Variants in AIG1 observed in about 807,000 individuals in gnomAD.
AIG1 encodes androgen-induced gene 1 protein.
Under a neutral mutation model 31.4 loss-of-function variants are expected in AIG1, and 23 were observed. The observed-to-expected ratio is 0.73, with a 90% confidence interval of 0.53 to 1.04. AIG1 has a LOEUF of 1.04. AIG1 is among the 50% of genes least tolerant of loss of function. The probability of loss-of-function intolerance (pLI) is 0.00; values close to 1 mark genes in which losing one functional copy is unlikely to be tolerated. For missense variants in AIG1, 274 were observed against 295.0 expected (o/e 0.93, Z 0.52); for synonymous variants, 100 against 110.5 (o/e 0.90, Z 0.60).
In AIG1 at chr6:143,178,318, T is replaced by A. The variant is rs1040950877; in HGVS notation, c.399+13135T>A. ...GGGGTTTTTGGGCCCCAGGGCAAGATGCACACTGGTGGTGGCTCTGCTCTC... is the reference window on the plus strand; with the variant it reads ...GGGGTTTTTGGGCCCCAGGGCAAGAAGCACACTGGTGGTGGCTCTGCTCTC... On this transcript the variant is annotated intron_variant, in intron 3 of 5. Coordinates refer to ENST00000357847, the MANE Select transcript of AIG1 (RefSeq NM_016108.4). Among the ~76,000 whole-genome samples the A allele has an allele frequency of 2.0e-5, 3 of 152,178 alleles. No homozygotes were observed. In the East Asian group the frequency reaches 5.8e-4, roughly 29 times the overall value.
At chr6:143,189,767 C>T (rs1789617577) in intron 3 of AIG1, 1 of 984,704 alleles carries the variant, frequency 1.0e-6, no homozygotes, top group Non-Finnish European at 1.2e-6. Flanking sequence ...TAATATGAGT[C>T]ATTTTAAATG....
At chr6:143,307,951 G>T (rs1340406533) in intron 4 of AIG1, among the ~76,000 whole-genome samples, 3 of 152,240 alleles carry the variant, frequency 2.0e-5, no homozygotes, top group African/African-American at 7.2e-5. Context: ...CTTGCAGTTT[G>T]ATCTCAGACT....
At chr6:143,236,942 T>C (rs577447468) in intron 3 of AIG1, among the ~76,000 whole-genome samples, 5 of 152,352 alleles carry the variant, frequency 3.3e-5, no homozygotes, top group Admixed American at 3.3e-4. Context: ...GATTCCATTT[T>C]ATTCTCACAG....
intron 1 of AIG1, among the ~76,000 whole-genome samples, chr6:143,110,982 G>T (rs373137303): frequency 3.9e-5 from 6 of 152,138 alleles, no homozygotes; most frequent in Non-Finnish European, 4.4e-5. Flanking sequence ...TGCCAGAGAT[G>T]AAGTTATAAA....
At chr6:143,320,109 A>G (rs967905141) in intron 4 of AIG1, among the ~76,000 whole-genome samples, 2 of 152,218 alleles carry the variant, frequency 1.3e-5, no homozygotes, top group African/African-American at 4.8e-5. Context: ...CGGCCAGCAA[A>G]TATACAAAAG....
chr6:143,173,343 G>A (rs1043554958), intron 3 of AIG1, among the ~76,000 whole-genome samples: 20 of 152,182 alleles, frequency 1.3e-4, no homozygotes, highest in African/African-American at 3.4e-4. Flanking sequence ...GATTAAAGAC[G>A]TGAGCTGCTG....
At chr6:143,159,362 T>C (rs1186111065) in intron 2 of AIG1, among the ~76,000 whole-genome samples, 1 of 152,160 alleles carries the variant, frequency 6.6e-6, no homozygotes, top group Admixed American at 6.5e-5. Flanking sequence ...CCTCAGTCAG[T>C]AGAGATAATG....
intron 3 of AIG1, among the ~76,000 whole-genome samples, chr6:143,273,540 A>C (rs1341413489): frequency 6.6e-6 from 1 of 152,094 alleles, no homozygotes; most frequent in African/African-American, 2.4e-5. Context: ...TTTCTTTATT[A>C]GTCCATTTTC....
At chr6:143,123,533 A>C (rs1233480888) in intron 1 of AIG1, among the ~76,000 whole-genome samples, 1 of 152,132 alleles carries the variant, frequency 6.6e-6, no homozygotes, top group Non-Finnish European at 1.5e-5. Context: ...TATTTAAATG[A>C]CATTATACTT....
chr6:143,289,563 T>C (rs1797916685), intron 4 of AIG1, among the ~76,000 whole-genome samples: 1 of 152,178 alleles, frequency 6.6e-6, no homozygotes, highest in African/African-American at 2.4e-5. Context: ...GAATGAAGTA[T>C]GTTCATTCTT....
At chr6:143,341,423 C>G (rs1192781960), downstream of AIG1, among the ~76,000 whole-genome samples, 1 of 152,134 alleles carries the variant, frequency 6.6e-6, no homozygotes, top group Non-Finnish European at 1.5e-5. Context: ...CCCCTAGTGC[C>G]TTAGAATATG....
rs1446869193 is a variant in AIG1, at chr6:143,171,455, AATATATATATTTAATATATATAATATAT to A, written c.399+6275_399+6302del. ...TAATATATATATAATATATATATTT[AATATATATATTTAATATATATAATATAT>A]ATTAAATATATAATATATATTTAAT... On this transcript the variant is annotated intron_variant, in intron 3 of 5. Coordinates refer to ENST00000357847, the MANE Select transcript of AIG1 (RefSeq NM_016108.4). Among the ~76,000 whole-genome samples, 22 of 56,080 alleles carry A rather than the reference AATATATATATTTAATATATATAATATAT, an allele frequency of 3.9e-4. No homozygotes were observed. In the Admixed American group the frequency reaches 4.8e-3, roughly 12 times the overall value. 36.8% of individuals were successfully genotyped at this position (56,080 alleles called of 152,430 possible). A position where few individuals can be genotyped will look rare whatever the true frequency, so the allele number is the denominator to read the frequency against.
At chr6:143,296,916 C>A (rs539358167) in intron 4 of AIG1, among the ~76,000 whole-genome samples, 1 of 152,270 alleles carries the variant, frequency 6.6e-6, no homozygotes, top group African/African-American at 2.4e-5. Flanking sequence ...TGACAAAGTT[C>A]ATTAACTCTC....
intron 4 of AIG1, among the ~76,000 whole-genome samples, chr6:143,286,382 A>G (rs1797681333): frequency 6.6e-6 from 1 of 152,176 alleles, no homozygotes. Flanking sequence ...TTGGACATGT[A>G]TTTACATTAA....
chr6:143,202,496 T>G (rs1183761924), intron 3 of AIG1, among the ~76,000 whole-genome samples: 1 of 152,230 alleles, frequency 6.6e-6, no homozygotes, highest in Non-Finnish European at 1.5e-5. Context: ...CTTAAAAAAA[T>G]TCTTTAATGT....
chr6:143,072,003 G>C (rs1399257776), intron 1 of AIG1, among the ~76,000 whole-genome samples: 1 of 151,710 alleles, frequency 6.6e-6, no homozygotes, highest in Non-Finnish European at 1.5e-5. Context: ...CATTACCCAG[G>C]CTGGTCTCAA....
chr6:143,320,891 G>T (rs1776156804), intron 4 of AIG1, among the ~76,000 whole-genome samples: 1 of 146,920 alleles, frequency 6.8e-6, no homozygotes, highest in African/African-American at 2.6e-5. Context: ...GCGCAATCTT[G>T]GCTCACCGCG....
At chr6:143,193,564 A>G (rs1354976203) in intron 3 of AIG1, among the ~76,000 whole-genome samples, 1 of 152,230 alleles carries the variant, frequency 6.6e-6, no homozygotes, top group East Asian at 1.9e-4. Context: ...TTGTTAAATG[A>G]TCATAGCAAT....
intron 3 of AIG1, among the ~76,000 whole-genome samples, chr6:143,249,633 A>G (rs977896768): frequency 1.3e-5 from 2 of 152,068 alleles, no homozygotes; most frequent in African/African-American, 4.8e-5. Context: ...CTACTGCACT[A>G]CCAGTACATG....
Sources: allele counts gnomAD v4.1 joint callset (sites outside exome capture counted in the v4.1 genomes callset), GRCh38; gene constraint gnomAD v4.1.1; transcripts MANE v1.5; gene names NCBI Gene and HGNC (gene_info 2026-07-23, HGNC 2026-07-21).